Variants in DNAH2 observed in about 807,000 individuals in gnomAD.
DNAH2 encodes the protein axonemal beta dynein heavy chain 2.
DNAH2 carries 323 observed loss-of-function variants against 523.5 expected under a neutral mutation model. That is an observed-to-expected ratio of 0.62 (90% CI 0.56 to 0.68). The LOEUF is 0.68. DNAH2 is among the 30% of genes least tolerant of loss of function. The pLI is 0.00. For missense variants in DNAH2, 4,907 were observed against 5,701.5 expected (o/e 0.86, Z 4.49); for synonymous variants, 2,093 against 2,177.4 (o/e 0.96, Z 1.08).
chr17:7,756,963 A>AC, intron 12 of DNAH2, 128 bp from the exon 13 acceptor site: 1 of 1,391,962 alleles, frequency 7.2e-7, no homozygotes, highest in South Asian at 1.3e-5. Flanking sequence ...GAGCCACCAT[A>AC]CCAGGCCTCT....
intron 4 of DNAH2, among the ~76,000 whole-genome samples, chr17:7,732,407 C>A (rs1436459974): frequency 1.4e-5 from 2 of 144,086 alleles, no homozygotes; most frequent in Non-Finnish European, 3.0e-5. Context: ...TGCACTCCAG[C>A]CTGAGTGACA....
chr17:7,741,323 C>CCTTCCTTCCTTCCTTCCTTCCT lies in DNAH2; in HGVS notation c.1689+331_1689+332insCTTCCTTCCTTCCTTCCTTCCT, dbSNP rs1555540882. Among the ~76,000 whole-genome samples the CCTTCCTTCCTTCCTTCCTTCCT allele has an allele frequency of 8.4e-5, 5 of 59,360 alleles. 1 individual carries two copies. The highest frequency in any genetic ancestry group is 2.8e-4 in the African/African-American group (3 of 10,730). The allele number at this position is 59,360 out of a possible 152,430, so 38.9% of individuals were successfully genotyped here. Reference sequence around the variant, plus strand: ...CTTCCTTCCCTCCCTCCCTCCCTCCCTCCTTCCTTCCTTCCTTCCTTCCTT... The same window carrying CCTTCCTTCCTTCCTTCCTTCCT: ...CTTCCTTCCCTCCCTCCCTCCCTCCCCTTCCTTCCTTCCTTCCTTCCTTCCTTCCTTCCTTCCTTCCTTCCTT... On this transcript the variant is annotated intron_variant, in intron 11 of 85. Transcript: ENST00000572933.
intron 12 of DNAH2, among the ~76,000 whole-genome samples, chr17:7,749,275 T>C (rs1201682622): frequency 1.8e-5 from 2 of 111,890 alleles, no homozygotes; most frequent in African/African-American, 6.9e-5. Flanking sequence ...GCCATTGCAC[T>C]CCAGCCTGGG....
chr17:7,740,069 G>GT (rs1160189470), intron 9 of DNAH2, 131 bp downstream of exon 9: 17 of 767,026 alleles, frequency 2.2e-5, no homozygotes, highest in South Asian at 1.6e-4. Context: ...GGTGGCCCGG[G>GT]GGGGGGGACA....
rs760736216 is a variant in DNAH2 at position 7,824,545 on chromosome 17, G to T, written c.11671G>T (p.Val3891Leu). 1.9e-6 allele frequency: 3 copies of T among 1,562,060 alleles called. No homozygotes were observed. The highest frequency in any genetic ancestry group is 1.7e-4 in the Middle Eastern group (1 of 5,866). The change falls in exon 77 of 86, where the codon GTG (valine) becomes TTG (leucine). Residue 3891 changes from valine (V) to leucine (L), a missense_variant. By Grantham distance (32) the Val-to-Leu change is conservative (BLOSUM62 1). Around this residue, in one of 3 missense-constraint regions of DNAH2, gnomAD observed 1,851 missense variants for 2,139.4 expected, o/e 0.87. Transcript: ENST00000572933. ...LREGVTQGHWVFLANCHLSLS... is the reference protein window; with the variant it reads ...LREGVTQGHWLFLANCHLSLS... ...CTGGCATCTCCTTGCAGGACACTGG[G>T]TGTTCCTGGCAAACTGCCACCTGTC...
At position 7,776,048 on chromosome 17, in the gene DNAH2, A is replaced by G; in HGVS notation, c.4846A>G (p.Thr1616Ala). The change falls in exon 31 of 86, where the codon ACC becomes GCC. Residue 1616 changes from threonine to alanine, a missense_variant. Around this residue, in one of 3 missense-constraint regions of DNAH2, gnomAD observed 2,806 missense variants for 3,190.8 expected, o/e 0.88. Transcript: ENST00000572933. Reference sequence around the variant, plus strand: ...GTCCTGGCTTGGCGATGTGGAACAGACCATGAGGGTGACCCTGCGGGACCT... The same window carrying G: ...GTCCTGGCTTGGCGATGTGGAACAGGCCATGAGGGTGACCCTGCGGGACCT... ...VESWLGDVEQ[T>A]MRVTLRDLLR... The G allele has an allele frequency of 3.7e-6, 6 of 1,614,050 alleles. No individual in the cohort carries two copies. The highest frequency in any genetic ancestry group is 5.1e-6 in the Non-Finnish European group (6 of 1,179,936).
intron 20 of DNAH2, among the ~76,000 whole-genome samples, chr17:7,764,947 A>T (rs1421782423): frequency 1.4e-5 from 2 of 143,042 alleles, no homozygotes; most frequent in Non-Finnish European, 3.0e-5. Flanking sequence ...GGCTCAAGCG[A>T]TCCTCCCACC....
chr17:7,832,431 C>T lies in DNAH2; in HGVS notation c.12727-148C>T, dbSNP rs781715131. 477 of 922,146 alleles carry T rather than the reference C, an allele frequency of 5.2e-4. 1 individual carries two copies. Among genetic ancestry groups the T allele is most frequent in the Non-Finnish European group, 7.0e-4 (427 of 610,552 alleles). 57.1% of individuals were successfully genotyped at this position (922,146 alleles called of 1,614,324 possible). On this transcript the variant is annotated intron_variant, in intron 82 of 85. Transcript: ENST00000572933. This position sits in a 1 kb window ranked among gnomAD's most constrained non-coding sequence, Gnocchi z 4.3. Reference sequence around the variant, plus strand: ...AGGCTGAGGCAGGAGAATAGCTTAACTTGGGAGGTGGAGGTTGCAGTGAGC... The same window carrying T: ...AGGCTGAGGCAGGAGAATAGCTTAATTTGGGAGGTGGAGGTTGCAGTGAGC...
rs1242491740 is a variant in DNAH2, at chr17:7,797,028, G to A, written c.7864-148G>A. On this transcript the variant is annotated intron_variant, in intron 50 of 85. Coordinates refer to ENST00000572933, the MANE Select transcript of DNAH2 (RefSeq NM_020877.5). ...GAGGCAGGAGAATTGCTTGAACCTG[G>A]GAGGCAGAGGTTGCAGTGAGCTGAG... 5.6e-6 allele frequency: 4 copies of A among 717,298 alleles called. No homozygotes were observed. In the Admixed American group the frequency reaches 1.0e-4, roughly 19 times the overall value. The allele number at this position is 717,298 out of a possible 1,614,324, so 44.4% of individuals were successfully genotyped here.
Position 7,780,098 on chromosome 17 carries a change from G to T in DNAH2, c.5723-59G>T. 2 of 1,572,594 alleles carry T rather than the reference G, an allele frequency of 1.3e-6. No homozygotes were observed. The highest frequency in any genetic ancestry group is 2.3e-5 in the South Asian group (2 of 86,762). ...ATGAGACTGATTGGAAAGTGGGTTT[G>T]GGGAAGCAAATCAAGATGAGGAAAT... On this transcript the variant is annotated intron_variant, in intron 36 of 85. Transcript: ENST00000572933. The surrounding 1 kb of genome is among the most constrained non-coding windows in gnomAD (Gnocchi z 4.4).
At chr17:7,796,762 C>G in intron 50 of DNAH2, 110 bp downstream of exon 50, 1 of 1,275,790 alleles carries the variant, frequency 7.8e-7, no homozygotes, top group South Asian at 1.5e-5. Context: ...AAAGTCACCC[C>G]CATGCTGAAG....
At chr17:7,766,561 G>A in intron 22 of DNAH2, 80 bp downstream of exon 22, 1 of 1,459,058 alleles carries the variant, frequency 6.9e-7, no homozygotes, top group Non-Finnish European at 9.2e-7. Flanking sequence ...CGCCCACAAA[G>A]GCAGTGGGAA....
At chr17:7,750,946 G>T (rs2075664640) in intron 12 of DNAH2, among the ~76,000 whole-genome samples, 3 of 151,978 alleles carry the variant, frequency 2.0e-5, no homozygotes, top group African/African-American at 4.8e-5. Context: ...GTGTAGAAAA[G>T]ACTAAAAAAA....
At chr17:7,745,061 C>G (rs2075476847) in intron 12 of DNAH2, among the ~76,000 whole-genome samples, 1 of 151,566 alleles carries the variant, frequency 6.6e-6, no homozygotes, top group East Asian at 1.9e-4. Flanking sequence ...GTGGCGCAAT[C>G]TTGGCTCACT....
rs916293104 is a variant in DNAH2 at position 7,754,730 on chromosome 17, G to A, written c.1905-2361G>A. On this transcript the variant is annotated intron_variant, in intron 12 of 85. Transcript: ENST00000572933. This position sits in a 1 kb window ranked among gnomAD's most constrained non-coding sequence, Gnocchi z 4.6. Reference sequence around the variant, plus strand: ...TTGCTCGTGCCCGCATGGCCAAGGGGCTCAGGCTGTGCCGGCCCAAGGCCA... The same window carrying A: ...TTGCTCGTGCCCGCATGGCCAAGGGACTCAGGCTGTGCCGGCCCAAGGCCA... 3.3e-5 allele frequency: 36 copies of A among 1,105,410 alleles called. No individual in the cohort carries two copies. Among genetic ancestry groups the A allele is most frequent in the Non-Finnish European group, 4.8e-5 (35 of 735,138 alleles). The allele number at this position is 1,105,410 out of a possible 1,614,324, so 68.5% of individuals were successfully genotyped here.
At chr17:7,829,898 C>T (rs753016269) in intron 77 of DNAH2, among the ~76,000 whole-genome samples, 22 of 151,776 alleles carry the variant, frequency 1.4e-4, no homozygotes, top group African/African-American at 4.6e-4. Context: ...TGGTGGTGGG[C>T]GCCTGTAATC....
intron 2 of DNAH2, among the ~76,000 whole-genome samples, chr17:7,721,670 A>G (rs368941987): frequency 6.6e-6 from 1 of 151,862 alleles, no homozygotes; most frequent in African/African-American, 2.4e-5. Context: ...CCTGTTCCTC[A>G]TGGTCTTTTG....
chr17:7,794,635 A>T (rs1380612354), intron 49 of DNAH2, among the ~76,000 whole-genome samples: 2 of 152,218 alleles, frequency 1.3e-5, no homozygotes, highest in Non-Finnish European at 1.5e-5. Context: ...TAGATCCTAC[A>T]AAGCCCACGG....
intron 55 of DNAH2, 87 bp from the exon 56 acceptor site, chr17:7,799,016 C>T: frequency 1.3e-6 from 2 of 1,535,802 alleles, no homozygotes; most frequent in South Asian, 2.4e-5. Flanking sequence ...GCCTGGGAAA[C>T]ACTTCGTCAG....
Sources: gnomAD v4.1 joint callset for allele counts (sites outside exome capture counted in the v4.1 genomes callset) on GRCh38, gnomAD v4.1.1 for gene constraint, gnomAD v4.1.1 regional missense constraint, Gnocchi (gnomAD v3.1) non-coding constraint, MANE v1.5 for transcripts, NCBI Gene and HGNC (gene_info 2026-07-23, HGNC 2026-07-21) for gene names.